Variants in MID1 observed in about 807,000 individuals in gnomAD.
The protein encoded by MID1 is E3 ubiquitin-protein ligase Midline-1.
Under a neutral mutation model 40.4 loss-of-function variants are expected in MID1, and 7 were observed. The ratio of observed to expected loss-of-function variants is 0.17; its 90% CI spans 0.10 to 0.33. MID1 has a LOEUF of 0.33. MID1 is among the 10% of genes least tolerant of loss of function. The pLI is 1.00. For missense variants in MID1, 367 were observed against 558.5 expected (o/e 0.66, Z 3.46); for synonymous variants, 229 against 221.2 (o/e 1.04, Z -0.31).
At chrX:10,801,228 A>C (rs1434532517) in intron 1 of MID1, among the ~76,000 whole-genome samples, 1 of 111,851 alleles carries the variant, frequency 8.9e-6, no homozygotes, top group Non-Finnish European at 1.9e-5. Context: ...GTTTGATTTT[A>C]TTTCTTTCTT....
intron 1 of MID1, among the ~76,000 whole-genome samples, chrX:10,721,124 G>A (rs1479016760): frequency 8.2e-5 from 9 of 110,109 alleles, no homozygotes; most frequent in Admixed American, 4.8e-4. Context: ...GGTGCAGCAC[G>A]CCAACATGGC....
chrX:10,640,189 C>T (rs200143319), intron 1 of MID1, among the ~76,000 whole-genome samples: 5 of 107,666 alleles, frequency 4.6e-5, no homozygotes, highest in Admixed American at 9.8e-5. Flanking sequence ...TGTAAATGAG[C>T]TAAATGCTCC....
intron 1 of MID1, among the ~76,000 whole-genome samples, chrX:10,661,777 G>C (rs746403843): frequency 1.8e-5 from 2 of 111,529 alleles, no homozygotes; most frequent in South Asian, 3.8e-4. Flanking sequence ...TATTTGTCTT[G>C]GCATCTGGAG....
At chrX:10,799,281 A>C (rs2043989326) in intron 1 of MID1, among the ~76,000 whole-genome samples, 1 of 111,817 alleles carries the variant, frequency 8.9e-6, no homozygotes, top group African/African-American at 3.3e-5. Context: ...ATTGACAAGC[A>C]GGCTAGAATG....
intron 1 of MID1, among the ~76,000 whole-genome samples, chrX:10,570,584 C>G (rs1308700144): frequency 1.8e-5 from 2 of 112,342 alleles, no homozygotes; most frequent in African/African-American, 3.2e-5. Context: ...GACTTTTCAG[C>G]TAAAACCAAA....
chrX:10,562,525 C>G (rs73479262), intron 2 of MID1, among the ~76,000 whole-genome samples: 3,298 of 105,126 alleles, frequency 0.031, 525 homozygotes, highest in African/African-American at 0.11. Context: ...TTTCTTAAAG[C>G]ATACTGCATC....
At chrX:10,523,269 A>G (rs1032744175) in intron 2 of MID1, 82 bp from the exon 3 acceptor site, 1 of 670,457 alleles carries the variant, frequency 1.5e-6, no homozygotes, top group African/African-American at 2.2e-5. Context: ...ACTCATTCTC[A>G]GGAAAAACTG....
chrX:10,752,539 C>T (rs2043606830), intron 1 of MID1, among the ~76,000 whole-genome samples: 1 of 111,668 alleles, frequency 9.0e-6, no homozygotes, highest in African/African-American at 3.3e-5. Flanking sequence ...GTAGATAAAG[C>T]ATTGTCAATC....
At chrX:10,643,226 C>A (rs917984623) in intron 1 of MID1, among the ~76,000 whole-genome samples, 3 of 111,086 alleles carry the variant, frequency 2.7e-5, no homozygotes, top group African/African-American at 9.9e-5. Context: ...AGTGAACAGG[C>A]AACCTACAGA....
At chrX:10,461,788 T>C (rs920217407) in intron 7 of MID1, among the ~76,000 whole-genome samples, 3 of 112,433 alleles carry the variant, frequency 2.7e-5, no homozygotes, top group African/African-American at 9.7e-5. Flanking sequence ...TAGATTCAAA[T>C]GAGAATCGTA....
chrX:10,479,613 C>T lies in MID1; in HGVS notation c.1013+2867G>A, dbSNP rs1018879128. The stretch of plus-strand genomic sequence containing the variant: ...AGCATGCAATGTTTGTCTTTCTGTG[C>T]CTGGCTTAGTTCACTTAATGATCTG... On this transcript the variant is annotated intron_variant, in intron 5 of 9. Transcript: ENST00000317552. Among the ~76,000 whole-genome samples the T allele has an allele frequency of 7.2e-5, 8 of 111,655 alleles. No homozygotes were observed. In the Admixed American group the frequency reaches 7.6e-4, roughly 11 times the overall value.
At chrX:10,805,334 T>C (rs1319327187) in intron 1 of MID1, among the ~76,000 whole-genome samples, 1 of 103,500 alleles carries the variant, frequency 9.7e-6, no homozygotes, top group Non-Finnish European at 2.0e-5. Context: ...GGTTTTTTGT[T>C]CTTGCGATAG....
chrX:10,538,594 A>G (rs1359194861), intron 2 of MID1, among the ~76,000 whole-genome samples: 1 of 111,787 alleles, frequency 8.9e-6, no homozygotes, highest in Non-Finnish European at 1.9e-5. Flanking sequence ...ATAGGTTTAA[A>G]ACTTTCCCAG....
intron 2 of MID1, among the ~76,000 whole-genome samples, chrX:10,558,049 A>C (rs1733050317): frequency 9.5e-6 from 1 of 105,343 alleles, no homozygotes; most frequent in Non-Finnish European, 1.9e-5. Context: ...GAAAATATAC[A>C]TTAACCTCTC....
chrX:10,707,195 T>C (rs1215196974), intron 1 of MID1, among the ~76,000 whole-genome samples: 3 of 112,196 alleles, frequency 2.7e-5, no homozygotes, highest in Non-Finnish European at 3.8e-5. Context: ...TCAGGTCTTC[T>C]GAGAGGCTTC....
chrX:10,668,999 C>A (rs1465162981), intron 1 of MID1, among the ~76,000 whole-genome samples: 1 of 108,369 alleles, frequency 9.2e-6, no homozygotes, highest in Non-Finnish European at 1.9e-5. Context: ...GCGGGTGGAT[C>A]ATGAGGTCAG....
intron 1 of MID1, among the ~76,000 whole-genome samples, chrX:10,742,494 A>G (rs1027237929): frequency 6.2e-5 from 7 of 112,479 alleles, no homozygotes; most frequent in Non-Finnish European, 1.3e-4. Context: ...TCAAACAGCA[A>G]AGAAAGACAA....
chrX:10,505,385 A>T (rs1027204062), intron 3 of MID1: 3 of 753,219 alleles, frequency 4.0e-6, no homozygotes, highest in Non-Finnish European at 4.7e-6. Flanking sequence ...CAAAATGAAG[A>T]AGCAGAATGG....
chrX:10,650,509 A>T (rs187483636), intron 1 of MID1, among the ~76,000 whole-genome samples: 2 of 111,855 alleles, frequency 1.8e-5, no homozygotes, highest in African/African-American at 3.3e-5. Flanking sequence ...GCAGGAAGGA[A>T]GGCTGAAGTC....
Sources: gnomAD v4.1 joint callset for allele counts (sites outside exome capture counted in the v4.1 genomes callset) on GRCh38, gnomAD v4.1.1 for gene constraint, MANE v1.5 for transcripts, NCBI Gene and HGNC (gene_info 2026-07-23, HGNC 2026-07-21) for gene names.